SCFD2: variants seen among roughly 807,000 people sequenced by gnomAD.
SCFD2 encodes the protein sec1 family domain containing 2, also known as sec1 family domain-containing protein 2.
Under a neutral mutation model 58.9 loss-of-function variants are expected in SCFD2, and 54 were observed. The ratio of observed to expected loss-of-function variants is 0.92; its 90% CI spans 0.74 to 1.15. The LOEUF is 1.15. SCFD2 is among the 50% of genes most tolerant of loss of function. The pLI, the probability that SCFD2 is intolerant of heterozygous loss-of-function variation, is 0.00. For synonymous variants in SCFD2, 321 were observed against 335.9 expected, an observed-to-expected ratio of 0.96 and a Z score of 0.49; for missense variants, 805 against 836.6, an observed-to-expected ratio of 0.96 and a Z score of 0.47.
intron 2 of SCFD2, among the ~76,000 whole-genome samples, chr4:53,336,035 A>C (rs989431247): frequency 3.9e-5 from 6 of 152,200 alleles, no homozygotes; most frequent in Admixed American, 3.9e-4. Context: ...CCCTGAAACA[A>C]AGAAAATTCT....
At chr4:53,250,120 T>C (rs1333060270) in intron 4 of SCFD2, among the ~76,000 whole-genome samples, 2 of 151,380 alleles carry the variant, frequency 1.3e-5, no homozygotes, top group East Asian at 3.9e-4. Context: ...ACCAAGCAAA[T>C]GGAAAACAAA....
At chr4:53,027,551 G>T (rs1232336596) in intron 5 of SCFD2, among the ~76,000 whole-genome samples, 1 of 152,238 alleles carries the variant, frequency 6.6e-6, no homozygotes, top group African/African-American at 2.4e-5. Context: ...AAGTAGGCTG[G>T]TAGCGGTGGC....
chr4:53,033,258 C>T (rs1429000735), intron 5 of SCFD2, among the ~76,000 whole-genome samples: 1 of 152,072 alleles, frequency 6.6e-6, no homozygotes, highest in Non-Finnish European at 1.5e-5. Flanking sequence ...TAAAGATGTT[C>T]TTTGAAACCA....
At chr4:53,013,825 T>C (rs948190242) in intron 5 of SCFD2, among the ~76,000 whole-genome samples, 5 of 151,996 alleles carry the variant, frequency 3.3e-5, no homozygotes, top group Admixed American at 1.3e-4. Flanking sequence ...GCTTCACATG[T>C]TTACCACTGA....
intron 5 of SCFD2, among the ~76,000 whole-genome samples, chr4:53,065,628 A>G (rs1228698269): frequency 2.0e-5 from 3 of 152,096 alleles, no homozygotes; most frequent in Non-Finnish European, 4.4e-5. Context: ...GGTCAACATT[A>G]TTCAAGAGCA....
chr4:53,260,755 G>A (rs1730805723), intron 4 of SCFD2, among the ~76,000 whole-genome samples: 2 of 152,044 alleles, frequency 1.3e-5, no homozygotes, highest in South Asian at 4.2e-4. Flanking sequence ...AATGATTTAG[G>A]GGGGATTCCC....
intron 5 of SCFD2, among the ~76,000 whole-genome samples, chr4:52,924,012 A>G (rs1163670880): frequency 3.9e-5 from 6 of 152,214 alleles, no homozygotes; most frequent in Non-Finnish European, 4.4e-5. Context: ...AAGGCACAAA[A>G]ACAAGGAGAA....
At chr4:52,900,111 C>T (rs181284624) in intron 7 of SCFD2, among the ~76,000 whole-genome samples, 286 of 152,180 alleles carry the variant, frequency 1.9e-3, no homozygotes, top group African/African-American at 6.7e-3. Context: ...TCCTTTAGCT[C>T]GGAGTAGTTT....
chr4:52,880,980 A>C (rs138935173), intron 8 of SCFD2, among the ~76,000 whole-genome samples: 1 of 152,226 alleles, frequency 6.6e-6, no homozygotes, highest in Non-Finnish European at 1.5e-5. Flanking sequence ...AGAAACCTGG[A>C]ATCTCCCACT....
At chr4:53,031,353 C>T (rs1289771061) in intron 5 of SCFD2, among the ~76,000 whole-genome samples, 1 of 152,178 alleles carries the variant, frequency 6.6e-6, no homozygotes, top group Non-Finnish European at 1.5e-5. Flanking sequence ...GCCTCTTCTC[C>T]TCTAAAAGGC....
intron 8 of SCFD2, among the ~76,000 whole-genome samples, chr4:52,883,219 C>T (rs896936438): frequency 2.6e-5 from 4 of 152,166 alleles, no homozygotes; most frequent in South Asian, 2.1e-4. Context: ...TGTCTCAGAT[C>T]GGCAGAGTTT....
intron 2 of SCFD2, among the ~76,000 whole-genome samples, chr4:53,333,447 A>ATG (rs1733565143): frequency 7.3e-6 from 1 of 137,772 alleles, no homozygotes; most frequent in Non-Finnish European, 1.6e-5. Context: ...ATAATGCCGC[A>ATG]TATCTACAAC....
intron 2 of SCFD2, among the ~76,000 whole-genome samples, chr4:53,340,330 G>T (rs1325469694): frequency 6.6e-6 from 1 of 152,212 alleles, no homozygotes; most frequent in Non-Finnish European, 1.5e-5. Flanking sequence ...GACTGGCTTG[G>T]AGGGTCCCAC....
At chr4:53,244,348 C>G (rs76782149) in intron 4 of SCFD2, among the ~76,000 whole-genome samples, 1 of 152,008 alleles carries the variant, frequency 6.6e-6, no homozygotes, top group Admixed American at 6.6e-5. Context: ...ATAAAACAAT[C>G]CAATCCTCAG....
intron 5 of SCFD2, among the ~76,000 whole-genome samples, chr4:53,001,916 A>C (rs981216113): frequency 6.6e-6 from 1 of 152,242 alleles, no homozygotes; most frequent in Non-Finnish European, 1.5e-5. Context: ...AATTAATCTA[A>C]GTAGTAAGCT....
intron 4 of SCFD2, among the ~76,000 whole-genome samples, chr4:53,218,203 G>A (rs1728920307): frequency 1.3e-5 from 2 of 152,234 alleles, no homozygotes; most frequent in South Asian, 4.2e-4. Context: ...TTGCTAGATT[G>A]GGGAAGTTCT....
At position 52,947,413 on chromosome 4, in the gene SCFD2, A is replaced by G. The variant is rs575608333; in HGVS notation, c.1562-26543T>C. Among the ~76,000 whole-genome samples the G allele has an allele frequency of 3.3e-5, 5 of 152,368 alleles. No homozygotes were observed. The South Asian group carries it at 8.3e-4, about 25-fold the overall frequency. ...GATCTAGCAATTCAGTACAATTTCA[A>G]TGAAAATCACAAAGTGAAGTGTGTA... On this transcript the variant is annotated intron_variant, in intron 5 of 8. Coordinates refer to ENST00000401642, the MANE Select transcript of SCFD2 (RefSeq NM_152540.4).
intron 4 of SCFD2, among the ~76,000 whole-genome samples, chr4:53,155,480 T>C (rs1008419457): frequency 1.3e-5 from 2 of 152,232 alleles, no homozygotes; most frequent in Admixed American, 1.3e-4. Flanking sequence ...AATAAATTTC[T>C]AGTTGTTATA....
At chr4:53,202,094 C>T (rs1290320743) in intron 4 of SCFD2, among the ~76,000 whole-genome samples, 2 of 151,998 alleles carry the variant, frequency 1.3e-5, no homozygotes, top group African/African-American at 4.8e-5. Context: ...ACATGAAGTC[C>T]TTGCCCATGC....
Sources: allele counts gnomAD v4.1 joint callset (sites outside exome capture counted in the v4.1 genomes callset), GRCh38; gene constraint gnomAD v4.1.1; transcripts MANE v1.5; gene names NCBI Gene and HGNC (gene_info 2026-07-23, HGNC 2026-07-21).